TNR: variants seen among roughly 807,000 people sequenced by gnomAD.
TNR encodes tenascin R, also known as tenascin-R.
A neutral mutation model predicts 150.4 loss-of-function variants in TNR; 45 were observed. The observed-to-expected ratio is 0.30, with a 90% CI of 0.24 to 0.38. The LOEUF is 0.38. Among genes scored for constraint, TNR ranks in the 10% least tolerant of loss-of-function variants. The pLI, the probability that TNR is intolerant of heterozygous loss-of-function variation, is 1.00. For missense variants in TNR, 1,544 were observed against 1,759.1 expected (o/e 0.88, Z 2.19); for synonymous variants, 687 against 678.4 (o/e 1.01, Z -0.20).
intron 1 of TNR, among the ~76,000 whole-genome samples, chr1:175,692,385 G>A (rs1666395080): frequency 6.6e-6 from 1 of 152,234 alleles, no homozygotes; most frequent in Non-Finnish European, 1.5e-5. Context: ...ACTGGTTCTT[G>A]TCACATCCTT....
intron 2 of TNR, among the ~76,000 whole-genome samples, chr1:175,434,655 C>G (rs12043553): frequency 6.6e-6 from 1 of 152,288 alleles, no homozygotes; most frequent in East Asian, 1.9e-4. Context: ...TGTTTAGGCC[C>G]CCAACCTTAC....
intron 2 of TNR, among the ~76,000 whole-genome samples, chr1:175,465,593 G>A (rs893151942): frequency 4.6e-5 from 7 of 152,166 alleles, no homozygotes; most frequent in African/African-American, 1.7e-4. Context: ...TTAGGGTCAA[G>A]CCTCTCATGT....
At position 175,549,674 on chromosome 1, in the gene TNR, C is replaced by T. The variant is rs191502223; in HGVS notation, c.-164-21305G>A. 2.8e-3 allele frequency among the ~76,000 whole-genome samples: 420 copies of T among 152,232 alleles called. 2 individuals are homozygous for T. Among genetic ancestry groups the T allele is most frequent in the African/African-American group, 9.7e-3 (401 of 41,546 alleles). On this transcript the variant is annotated intron_variant, in intron 1 of 22. Transcript: ENST00000367674. ...CAGAGAGGGAAGCATGAAAGAAATACAATGCAAGAGAGGTTCTCTGTTGCT... is the reference window on the plus strand; with the variant it reads ...CAGAGAGGGAAGCATGAAAGAAATATAATGCAAGAGAGGTTCTCTGTTGCT...
chr1:175,437,725 T>G (rs561452351), intron 2 of TNR, among the ~76,000 whole-genome samples: 3 of 152,256 alleles, frequency 2.0e-5, no homozygotes, highest in Non-Finnish European at 4.4e-5. Context: ...AAATACAAAC[T>G]ACCATTAGAG....
chr1:175,380,576 G>GAA (rs796892998), intron 8 of TNR, among the ~76,000 whole-genome samples: 1 of 128,808 alleles, frequency 7.8e-6, no homozygotes. Context: ...GTCTCCAAAG[G>GAA]AAAAAAAAAA....
At chr1:175,475,389 T>TGAGATGAC (rs1657504059) in intron 2 of TNR, among the ~76,000 whole-genome samples, 1 of 151,796 alleles carries the variant, frequency 6.6e-6, no homozygotes, top group Non-Finnish European at 1.5e-5. Flanking sequence ...TGCCCTTTCA[T>TGAGATGAC]GAGATGACAT....
rs563753479 is a variant in TNR at position 175,406,641 on chromosome 1, A to G, written c.74T>C (p.Met25Thr). The change falls in exon 3 of 23, where the codon ATG becomes ACG. Residue 25 changes from methionine to threonine, a missense_variant. Around this residue, in one of 2 missense-constraint regions of TNR, gnomAD observed 1,254 missense variants for 1,329.4 expected, o/e 0.94. Transcript: ENST00000367674. ...CAGCTGACACTCTGAAGGCTTGATC[A>G]TGGAGCCCAGAAGGATCAGGTTGAT... ...IGINLILLGS[M>T]IKPSECQLEV... 1.9e-6 allele frequency: 3 copies of G among 1,614,200 alleles called. No homozygotes were observed. The highest frequency in any genetic ancestry group is 2.2e-5 in the East Asian group (1 of 44,876).
intron 2 of TNR, among the ~76,000 whole-genome samples, chr1:175,420,552 G>T (rs1654705400): frequency 6.6e-6 from 1 of 152,214 alleles, no homozygotes; most frequent in Non-Finnish European, 1.5e-5. Context: ...TTTATTGCCT[G>T]TAAAAGATTT....
intron 2 of TNR, among the ~76,000 whole-genome samples, chr1:175,501,020 G>A (rs1214064567): frequency 2.0e-5 from 3 of 152,200 alleles, no homozygotes; most frequent in Non-Finnish European, 4.4e-5. Context: ...ATGCCTCCCT[G>A]TGAGTGTGGC....
At chr1:175,681,936 C>T (rs181432136) in intron 1 of TNR, among the ~76,000 whole-genome samples, 3 of 152,214 alleles carry the variant, frequency 2.0e-5, no homozygotes, top group South Asian at 2.1e-4. Flanking sequence ...TTCTGCCCCC[C>T]GACCCCCAAG....
intron 2 of TNR, among the ~76,000 whole-genome samples, chr1:175,517,575 T>C (rs531763389): frequency 6.6e-6 from 1 of 152,290 alleles, no homozygotes; most frequent in Non-Finnish European, 1.5e-5. Flanking sequence ...AAAATACAGA[T>C]TCCTAGGCCA....
intron 1 of TNR, among the ~76,000 whole-genome samples, chr1:175,550,196 A>C (rs1030082779): frequency 6.6e-6 from 1 of 152,198 alleles, no homozygotes; most frequent in African/African-American, 2.4e-5. Flanking sequence ...GGACTCAGGA[A>C]GTAGAGAGAC....
intron 1 of TNR, among the ~76,000 whole-genome samples, chr1:175,630,963 T>G (rs962125559): frequency 6.6e-6 from 1 of 152,254 alleles, no homozygotes; most frequent in African/African-American, 2.4e-5. Flanking sequence ...AGGAGATTCA[T>G]TTAATTAATT....
chr1:175,432,742 C>T (rs1655333316), intron 2 of TNR, among the ~76,000 whole-genome samples: 1 of 152,080 alleles, frequency 6.6e-6, no homozygotes, highest in Non-Finnish European at 1.5e-5. Flanking sequence ...TCCTCTTATG[C>T]TTATAACCTA....
intron 1 of TNR, among the ~76,000 whole-genome samples, chr1:175,545,039 A>G (rs77199802): frequency 0.046 from 7,036 of 152,302 alleles, 226 homozygotes; most frequent in Non-Finnish European, 0.068. Flanking sequence ...GCAGAGCTAT[A>G]TCTAACCCTC....
rs1272733405 is a variant in TNR, at chr1:175,463,614, G to A, written c.-63-56837C>T. 3.9e-5 allele frequency among the ~76,000 whole-genome samples: 6 copies of A among 152,142 alleles called. No homozygotes were observed. The East Asian group carries it at 5.8e-4, about 15-fold the overall frequency. On this transcript the variant is annotated intron_variant, in intron 2 of 22. Coordinates refer to ENST00000367674, the MANE Select transcript of TNR (RefSeq NM_003285.3). ...AAGTAAGAAGGAGTTTCCCTTTCTC[G>A]TAGCCCTTTTAAGATGTGAAAATGT... is the stretch of plus-strand genomic sequence containing the variant.
intron 1 of TNR, among the ~76,000 whole-genome samples, chr1:175,689,060 G>T (rs911697637): frequency 6.6e-6 from 1 of 152,228 alleles, no homozygotes; most frequent in Admixed American, 6.5e-5. Context: ...GGTAACTAGA[G>T]TTCTTGGCAT....
At chr1:175,587,243 T>A (rs1571643477) in intron 1 of TNR, among the ~76,000 whole-genome samples, 2 of 151,976 alleles carry the variant, frequency 1.3e-5, no homozygotes, top group South Asian at 4.2e-4. Context: ...ATAGGGTAGG[T>A]CCTGATTGTT....
chr1:175,617,620 C>T (rs1167835658), intron 1 of TNR, among the ~76,000 whole-genome samples: 2 of 152,198 alleles, frequency 1.3e-5, no homozygotes, highest in Non-Finnish European at 2.9e-5. Context: ...CCTAAGGTCC[C>T]ATTCCAGACC....
Sources: gnomAD v4.1 joint callset for allele counts (sites outside exome capture counted in the v4.1 genomes callset) on GRCh38, gnomAD v4.1.1 for gene constraint, gnomAD v4.1.1 regional missense constraint, MANE v1.5 for transcripts, NCBI Gene and HGNC (gene_info 2026-07-23, HGNC 2026-07-21) for gene names.